Variants in DSTN observed in about 807,000 individuals in gnomAD.
DSTN encodes the protein destrin.
In DSTN, 10 loss-of-function variants were observed where a neutral mutation model predicts 16.8. The observed-to-expected ratio is 0.60, with a 90% confidence interval of 0.37 to 1.01. The LOEUF (loss-of-function observed/expected upper bound fraction) is 1.01. Ranked by LOEUF, DSTN falls within the 50% of genes least tolerant of loss-of-function variation. DSTN has a pLI of 0.01. For synonymous variants in DSTN, 57 were observed against 58.9 expected (o/e 0.97, Z 0.14); for missense variants, 141 against 196.7 (o/e 0.72, Z 1.69).
intron 1 of DSTN, among the ~76,000 whole-genome samples, chr20:17,575,686 T>G (rs2035270792): frequency 1.3e-5 from 2 of 152,108 alleles, no homozygotes; most frequent in South Asian, 4.1e-4. Context: ...TAAATATAAA[T>G]TTATATATAA....
intron 1 of DSTN, chr20:17,592,006 C>A: frequency 2.0e-6 from 2 of 985,376 alleles, no homozygotes; most frequent in Non-Finnish European, 2.4e-6. Flanking sequence ...ACAGGCACTA[C>A]GAGAATGGAG....
At position 17,607,693 on chromosome 20, in the gene DSTN, C is replaced by CTATT. The variant is rs2035657172; in HGVS notation, c.*548_*549insATTT. The CTATT allele has an allele frequency of 6.6e-6, 1 of 152,280 alleles. No individual in the cohort carries two copies. The highest frequency in any genetic ancestry group is 2.4e-5 in the African/African-American group (1 of 41,442). The allele number at this position is 152,280 out of a possible 1,614,324, so 9.4% of individuals were successfully genotyped here. On this transcript the variant is annotated 3_prime_UTR_variant, in exon 4 of 4. Coordinates refer to ENST00000246069, the MANE Select transcript of DSTN (RefSeq NM_006870.4). The stretch of plus-strand genomic sequence containing the variant: ...CAAAATTGTGTCCACATAATCCACG[C>CTATT]TCATCTTGCAAAGCGCTATTTCAGG...
chr20:17,596,964 A>T (rs1269672058), intron 1 of DSTN, among the ~76,000 whole-genome samples: 1 of 152,240 alleles, frequency 6.6e-6, no homozygotes, highest in Admixed American at 6.5e-5. Context: ...ATTGAATATA[A>T]GGCTTTAGAT....
chr20:17,591,946 C>G (rs2035473607), intron 1 of DSTN: 1 of 985,232 alleles, frequency 1.0e-6, no homozygotes, highest in African/African-American at 1.7e-5. Flanking sequence ...TCAGTTCACC[C>G]ACTAGAGGCA....
intron 1 of DSTN, among the ~76,000 whole-genome samples, chr20:17,591,436 C>G (rs1282377169): frequency 6.6e-6 from 1 of 151,482 alleles, no homozygotes; most frequent in East Asian, 1.9e-4. Flanking sequence ...CCGTGGCACA[C>G]ACAAAAAATG....
chr20:17,572,556 C>T (rs1445984051), intron 1 of DSTN, among the ~76,000 whole-genome samples: 1 of 152,114 alleles, frequency 6.6e-6, no homozygotes, highest in Non-Finnish European at 1.5e-5. Context: ...AAGGTTTGCA[C>T]GATAATCTAA....
At chr20:17,591,864 C>T in intron 1 of DSTN, 1 of 981,940 alleles carries the variant, frequency 1.0e-6, no homozygotes, top group South Asian at 4.7e-5. Context: ...CTTTTGGTCT[C>T]TGAGATGTTA....
intron 2 of DSTN, among the ~76,000 whole-genome samples, chr20:17,601,550 T>C (rs1327376743): frequency 6.6e-6 from 1 of 152,208 alleles, no homozygotes; most frequent in African/African-American, 2.4e-5. Flanking sequence ...CATGTGGCTA[T>C]TTAAATTATT....
intron 1 of DSTN, among the ~76,000 whole-genome samples, chr20:17,598,151 C>CA (rs2035548324): frequency 6.6e-6 from 1 of 152,112 alleles, no homozygotes; most frequent in Non-Finnish European, 1.5e-5. Context: ...TTACTATGAA[C>CA]ATTTGTGTAC....
intron 2 of DSTN, among the ~76,000 whole-genome samples, chr20:17,602,610 A>C (rs1179991079): frequency 6.6e-6 from 1 of 152,220 alleles, no homozygotes; most frequent in Non-Finnish European, 1.5e-5. Flanking sequence ...TATTAAAGGC[A>C]TTTTCTATAA....
In DSTN at chr20:17,570,359, G is replaced by T. The variant is rs1204851345; in HGVS notation, c.3+148G>T. 31 of 1,175,110 alleles carry T rather than the reference G, an allele frequency of 2.6e-5. No individual in the cohort carries two copies. The South Asian group carries it at 5.1e-4, about 19-fold the overall frequency. The allele number at this position is 1,175,110 out of a possible 1,614,324, so 72.8% of individuals were successfully genotyped here. On this transcript the variant is annotated intron_variant, in intron 1 of 3. Coordinates refer to ENST00000246069, the MANE Select transcript of DSTN (RefSeq NM_006870.4). ...CTGCAGTGTCCGGGCTGCGGGTGAG[G>T]GGGGGTCTCTGGGCCTCCGTCTCCC...
intron 1 of DSTN, among the ~76,000 whole-genome samples, chr20:17,597,558 C>G (rs2035539608): frequency 6.6e-6 from 1 of 152,212 alleles, no homozygotes. Context: ...GGGTATCCAT[C>G]ACCCGAATAA....
chr20:17,571,173 G>T (rs980752948), intron 1 of DSTN, among the ~76,000 whole-genome samples: 1 of 152,200 alleles, frequency 6.6e-6, no homozygotes, highest in African/African-American at 2.4e-5. Context: ...TGAACTATCA[G>T]TTGGAACATT....
At chr20:17,599,162 A>C (rs2035559429) in intron 1 of DSTN, 1 of 152,282 alleles carries the variant, frequency 6.6e-6, no homozygotes, top group South Asian at 2.1e-4. Flanking sequence ...CCGCTTTGTC[A>C]TGCACCTGCA....
chr20:17,598,385 C>T (rs2035551070), intron 1 of DSTN, among the ~76,000 whole-genome samples: 2 of 152,120 alleles, frequency 1.3e-5, no homozygotes, highest in African/African-American at 4.8e-5. Flanking sequence ...TTTAGCCCTC[C>T]TAGTGGGTGA....
intron 1 of DSTN, among the ~76,000 whole-genome samples, chr20:17,596,339 C>G (rs2035526329): frequency 6.6e-6 from 1 of 152,094 alleles, no homozygotes; most frequent in Non-Finnish European, 1.5e-5. Context: ...TTAGGTGAAG[C>G]CTTCCAACGA....
Position 17,607,141 on chromosome 20 carries a change from G to T in DSTN, c.493G>T (p.Val165Leu), listed in dbSNP as rs763379566. The part of the protein sequence containing the change: ...SLIVAFEGCP[V>L] ...AATTGTAGCCTTTGAAGGATGCCCT[G>T]TGTAGATTATTCAGTGCCACAAATT... is the stretch of plus-strand genomic sequence containing the variant. The change falls in exon 4 of 4, where the codon GTG becomes TTG. Residue 165 changes from valine to leucine, a missense_variant. Transcript: ENST00000246069. 3 of 1,611,800 alleles carry T rather than the reference G, an allele frequency of 1.9e-6. No individual in the cohort carries two copies. Among genetic ancestry groups the T allele is most frequent in the Non-Finnish European group, 1.7e-6 (2 of 1,179,710 alleles).
chr20:17,579,015 A>G (rs2035313298), intron 1 of DSTN, among the ~76,000 whole-genome samples: 1 of 151,402 alleles, frequency 6.6e-6, no homozygotes, highest in Admixed American at 6.6e-5. Flanking sequence ...TTAACTTATA[A>G]GTATTTACCT....
At chr20:17,591,908 T>C (rs541890802) in intron 1 of DSTN, 1 of 985,386 alleles carries the variant, frequency 1.0e-6, no homozygotes, top group Admixed American at 6.1e-5. Flanking sequence ...TTGTCTTCTT[T>C]CCATCTGCTA....
Sources: gnomAD v4.1 joint callset for allele counts (sites outside exome capture counted in the v4.1 genomes callset) on GRCh38, gnomAD v4.1.1 for gene constraint, MANE v1.5 for transcripts, NCBI Gene and HGNC (gene_info 2026-07-23, HGNC 2026-07-21) for gene names.